Variants in ROBO1 observed in about 807,000 individuals in gnomAD.
The protein encoded by ROBO1 is roundabout guidance receptor 1.
In ROBO1, 149 loss-of-function variants were observed where a neutral mutation model predicts 195.9. The observed-to-expected ratio is 0.76, with a 90% CI of 0.67 to 0.87. The LOEUF (loss-of-function observed/expected upper bound fraction) is 0.87. Among genes scored for constraint, ROBO1 ranks in the 40% least tolerant of loss-of-function variants. The pLI is 0.00. For missense variants in ROBO1, 1,933 were observed against 2,068.3 expected (o/e 0.93, Z 1.27); for synonymous variants, 816 against 733.2 (o/e 1.11, Z -1.82).
chr3:79,353,335 A>G (rs1414386217), intron 2 of ROBO1, among the ~76,000 whole-genome samples: 1 of 152,118 alleles, frequency 6.6e-6, no homozygotes, highest in African/African-American at 2.4e-5. Flanking sequence ...ATAGAGGAAA[A>G]AATAATTCTG....
chr3:79,635,747 G>A (rs561950637), intron 1 of ROBO1, among the ~76,000 whole-genome samples: 12 of 145,038 alleles, frequency 8.3e-5, no homozygotes, highest in African/African-American at 2.9e-4. Context: ...CAGAGAAAAA[G>A]GAATGGTAGA....
At chr3:79,059,550 C>T (rs906748391) in intron 3 of ROBO1, among the ~76,000 whole-genome samples, 11 of 151,956 alleles carry the variant, frequency 7.2e-5, no homozygotes, top group South Asian at 4.1e-4. Flanking sequence ...ACAGAGGGAC[C>T]GGCTGAAGCC....
intron 4 of ROBO1, among the ~76,000 whole-genome samples, chr3:78,908,443 T>C (rs1357391561): frequency 2.0e-5 from 3 of 151,922 alleles, no homozygotes; most frequent in Non-Finnish European, 4.4e-5. Context: ...ATAGGGTTCA[T>C]AAATGATGAC....
At chr3:79,278,660 C>T (rs947983024) in intron 2 of ROBO1, among the ~76,000 whole-genome samples, 2 of 152,198 alleles carry the variant, frequency 1.3e-5, no homozygotes, top group East Asian at 1.9e-4. Context: ...AATCTAGACT[C>T]GCACTTTTCA....
chr3:78,855,467 C>T (rs930499502), intron 4 of ROBO1, among the ~76,000 whole-genome samples: 1 of 152,172 alleles, frequency 6.6e-6, no homozygotes. Context: ...TGCCACAATA[C>T]CTGGATAGAT....
chr3:79,546,582 A>G (rs1013289239), intron 2 of ROBO1, among the ~76,000 whole-genome samples: 14 of 152,312 alleles, frequency 9.2e-5, no homozygotes, highest in Admixed American at 6.5e-4. Flanking sequence ...CACTTTTCTC[A>G]GAAAAAGAAA....
At position 79,203,391 on chromosome 3, in the gene ROBO1, T is replaced by C. The variant is rs151198063; in HGVS notation, c.89-77852A>G. On this transcript the variant is annotated intron_variant, in intron 2 of 30. Transcript: ENST00000464233. Reference sequence around the variant, plus strand: ...ACCACAAGCAATAGTATTCCCAGGATAGGGTTTATCTCTATTAGAAATCAA... The same window carrying C: ...ACCACAAGCAATAGTATTCCCAGGACAGGGTTTATCTCTATTAGAAATCAA... Among the ~76,000 whole-genome samples the C allele has an allele frequency of 2.0e-3, 309 of 152,324 alleles. 2 individuals are homozygous for C. The highest frequency in any genetic ancestry group is 3.7e-3 in the Non-Finnish European group (254 of 68,024).
chr3:79,641,821 C>A (rs1945672332), intron 1 of ROBO1, among the ~76,000 whole-genome samples: 1 of 151,962 alleles, frequency 6.6e-6, no homozygotes. Context: ...GGTTCGAGAC[C>A]AGGCTGGGCA....
intron 2 of ROBO1, among the ~76,000 whole-genome samples, chr3:79,337,836 G>A (rs1217516029): frequency 6.6e-6 from 1 of 152,124 alleles, no homozygotes; most frequent in Non-Finnish European, 1.5e-5. Flanking sequence ...CATAGATAAA[G>A]TAATACAGAC....
chr3:78,680,076 T>C (rs1185217219), intron 10 of ROBO1, among the ~76,000 whole-genome samples: 1 of 152,126 alleles, frequency 6.6e-6, no homozygotes, highest in African/African-American at 2.4e-5. Context: ...AAACAAGCAA[T>C]GGGGAAAGGA....
intron 5 of ROBO1, among the ~76,000 whole-genome samples, chr3:78,724,594 A>G (rs979552660): frequency 6.6e-6 from 1 of 150,834 alleles, no homozygotes; most frequent in Non-Finnish European, 1.5e-5. Flanking sequence ...AGGCAGGAGA[A>G]TTGCTTGAAG....
intron 3 of ROBO1, among the ~76,000 whole-genome samples, chr3:78,949,780 T>A (rs1216543922): frequency 6.6e-6 from 1 of 151,928 alleles, no homozygotes; most frequent in Non-Finnish European, 1.5e-5. Context: ...AGGGCTAATA[T>A]CCAGAATCTA....
intron 2 of ROBO1, among the ~76,000 whole-genome samples, chr3:79,579,704 TAAAGA>T (rs2107783666): frequency 6.6e-6 from 1 of 152,280 alleles, no homozygotes; most frequent in African/African-American, 2.4e-5. Context: ...TTTAAATTAT[TAAAGA>T]AAAGTAACAC....
At chr3:79,315,797 C>T (rs542173702) in intron 2 of ROBO1, among the ~76,000 whole-genome samples, 1 of 152,154 alleles carries the variant, frequency 6.6e-6, no homozygotes, top group East Asian at 1.9e-4. Context: ...TGGCAACTGC[C>T]AACATACACA....
chr3:79,549,720 G>T (rs1942406344), intron 2 of ROBO1, among the ~76,000 whole-genome samples: 1 of 152,048 alleles, frequency 6.6e-6, no homozygotes, highest in Admixed American at 6.6e-5. Flanking sequence ...GGTATCCAAA[G>T]GACATCCTGG....
chr3:78,922,157 T>C (rs1560003193), intron 4 of ROBO1, among the ~76,000 whole-genome samples: 1 of 152,134 alleles, frequency 6.6e-6, no homozygotes, highest in African/African-American at 2.4e-5. Context: ...ACATAATAGT[T>C]GCTGTGAGAA....
intron 2 of ROBO1, among the ~76,000 whole-genome samples, chr3:79,301,216 G>A (rs1241668381): frequency 1.3e-5 from 2 of 152,052 alleles, no homozygotes; most frequent in East Asian, 3.9e-4. Context: ...CCCACCAGAA[G>A]AAAAAAACTC....
At chr3:78,663,239 G>T (rs905036805) in intron 14 of ROBO1, among the ~76,000 whole-genome samples, 4 of 151,338 alleles carry the variant, frequency 2.6e-5, no homozygotes, top group African/African-American at 9.7e-5. Context: ...AAGTGGAAGA[G>T]ATGACATCGA....
At chr3:78,706,479 ATCT>A (rs1559767411) in intron 8 of ROBO1, among the ~76,000 whole-genome samples, 1 of 152,140 alleles carries the variant, frequency 6.6e-6, no homozygotes, top group Non-Finnish European at 1.5e-5. Flanking sequence ...TAGGTAGATA[ATCT>A]TCTTAAAACT....
Sources: gnomAD v4.1 joint callset for allele counts (sites outside exome capture counted in the v4.1 genomes callset) on GRCh38, gnomAD v4.1.1 for gene constraint, MANE v1.5 for transcripts, NCBI Gene and HGNC (gene_info 2026-07-23, HGNC 2026-07-21) for gene names.